DCT: variants seen among roughly 807,000 people sequenced by gnomAD.
The protein encoded by DCT is dopachrome tautomerase.
DCT carries 47 observed loss-of-function variants against 53.0 expected under a neutral mutation model. The observed-to-expected ratio is 0.89, with a 90% CI of 0.70 to 1.13. The LOEUF is 1.13. Ranked by LOEUF, DCT falls within the 50% of genes most tolerant of loss-of-function variation. The probability of loss-of-function intolerance (pLI) is 0.00; values close to 1 mark genes in which losing one functional copy is unlikely to be tolerated. For missense variants in DCT, 669 were observed against 637.4 expected (o/e 1.05, Z -0.53); for synonymous variants, 244 against 237.0 (o/e 1.03, Z -0.27).
At position 94,438,867 on chromosome 13, in the gene DCT, A is replaced by G; in HGVS notation, c.*1031T>C. On this transcript the variant is annotated 3_prime_UTR_variant, in exon 8 of 8. Coordinates refer to ENST00000377028, the MANE Select transcript of DCT (RefSeq NM_001922.5). The stretch of plus-strand genomic sequence containing the variant: ...GTAACTGTGAGTATTCGGCAACATT[A>G]ATCAATCTAACATCAATGCTTAAAA... 1 of 306,530 alleles carries G rather than the reference A, an allele frequency of 3.3e-6. No individual in the cohort carries two copies. Among genetic ancestry groups the G allele is most frequent in the South Asian group, 2.8e-5 (1 of 36,276 alleles). 19.0% of individuals were successfully genotyped at this position (306,530 alleles called of 1,614,324 possible). A position where few individuals can be genotyped will look rare whatever the true frequency, so the allele number is the denominator to read the frequency against.
chr13:94,487,846 T>A, the DCT span, among the ~76,000 whole-genome samples: 24 of 152,244 alleles, frequency 1.6e-4, no homozygotes, highest in African/African-American at 5.5e-4. Context: ...TCTGTCCTGA[T>A]AAGAGTTTTG....
rs1885300791 is a variant in DCT, at chr13:94,479,098, CCA to C, written c.156_157del (p.Cys52TrpfsTer30). On this transcript the variant is annotated frameshift_variant, in exon 1 of 8. Transcript: ENST00000377028. LOFTEE classifies it high-confidence loss of function. Reference sequence around the variant, plus strand: ...GCACTGCCCCCGGCCTTGCTGAGAGCCACAGACATTGGCCGACTCTGCACCCA... The same window carrying C: ...GCACTGCCCCCGGCCTTGCTGAGAGCCAGACATTGGCCGACTCTGCACCCA... 2 of 1,614,220 alleles carry C rather than the reference CCA, an allele frequency of 1.2e-6. No homozygotes were observed. Among genetic ancestry groups the C allele is most frequent in the Non-Finnish European group, 1.7e-6 (2 of 1,180,040 alleles).
chr13:94,538,216 C>T, the DCT span, among the ~76,000 whole-genome samples: 677 of 152,328 alleles, frequency 4.4e-3, 2 homozygotes, highest in Non-Finnish European at 5.7e-3. Context: ...CTTACTGAGC[C>T]TGCAGGACCT....
chr13:94,548,502 AATAG>A, the DCT span, among the ~76,000 whole-genome samples: 15 of 152,180 alleles, frequency 9.9e-5, no homozygotes, highest in Admixed American at 9.2e-4. Flanking sequence ...CTACGACACA[AATAG>A]ATAGATATTT....
the DCT span, among the ~76,000 whole-genome samples, chr13:94,509,726 T>A: frequency 1.3e-5 from 2 of 152,170 alleles, no homozygotes; most frequent in South Asian, 4.1e-4. Flanking sequence ...GGAATCATAA[T>A]AGCACCCATC....
At chr13:94,529,946 G>A in the DCT span, among the ~76,000 whole-genome samples, 4 of 152,100 alleles carry the variant, frequency 2.6e-5, no homozygotes, top group African/African-American at 9.7e-5. Flanking sequence ...CAATAAAAAC[G>A]ATAAAGGGGA....
the DCT span, among the ~76,000 whole-genome samples, chr13:94,485,624 C>T: frequency 6.6e-6 from 1 of 152,214 alleles, no homozygotes; most frequent in African/African-American, 2.4e-5. Context: ...CCCAAATTCA[C>T]AATCATTCCT....
the DCT span, among the ~76,000 whole-genome samples, chr13:94,527,792 C>T: frequency 2.6e-5 from 4 of 152,180 alleles, no homozygotes; most frequent in Non-Finnish European, 5.9e-5. Flanking sequence ...ATGAGTTTGA[C>T]GAGTTGACAG....
chr13:94,470,826 T>C (rs766520043), intron 1 of DCT, among the ~76,000 whole-genome samples: 8 of 152,238 alleles, frequency 5.3e-5, no homozygotes, highest in Non-Finnish European at 8.8e-5. Context: ...ACATCCCCTT[T>C]CTTCACATTT....
intron 6 of DCT, among the ~76,000 whole-genome samples, chr13:94,449,923 T>C (rs1371770751): frequency 6.6e-6 from 1 of 152,136 alleles, no homozygotes; most frequent in Non-Finnish European, 1.5e-5. Context: ...AATATTTCAG[T>C]GACTGATGAG....
At chr13:94,445,793 G>A (rs1226099376) in intron 6 of DCT, 1 of 1,506,940 alleles carries the variant, frequency 6.6e-7, no homozygotes, top group South Asian at 1.2e-5. Flanking sequence ...TAGAAATTTT[G>A]TTTGTAGTTC....
chr13:94,478,559 G>A (rs556396997), intron 1 of DCT, among the ~76,000 whole-genome samples: 6 of 152,286 alleles, frequency 3.9e-5, no homozygotes, highest in Admixed American at 1.3e-4. Flanking sequence ...CCTGTCTTCC[G>A]AATGCCAAGC....
chr13:94,447,669 C>T (rs1428080718), intron 6 of DCT, among the ~76,000 whole-genome samples: 5 of 152,140 alleles, frequency 3.3e-5, no homozygotes, highest in Middle Eastern at 3.2e-3. Flanking sequence ...AGTCCTAAAC[C>T]AATCATGAAC....
the DCT span, among the ~76,000 whole-genome samples, chr13:94,542,374 C>T: frequency 1.3e-5 from 2 of 151,974 alleles, no homozygotes; most frequent in African/African-American, 4.8e-5. Flanking sequence ...TTTTTTTAGT[C>T]GAGTCAAGGT....
At chr13:94,510,441 C>A in the DCT span, among the ~76,000 whole-genome samples, 17 of 152,242 alleles carry the variant, frequency 1.1e-4, no homozygotes, top group African/African-American at 3.9e-4. Flanking sequence ...GGTGTGCTGT[C>A]AGTGTAAAAT....
At chr13:94,451,258 C>T (rs1883068340) in intron 6 of DCT, among the ~76,000 whole-genome samples, 2 of 152,178 alleles carry the variant, frequency 1.3e-5, no homozygotes, top group African/African-American at 2.4e-5. Context: ...TACATGCTCA[C>T]AATGAAAGCA....
At chr13:94,447,141 G>A (rs1882785265) in intron 6 of DCT, among the ~76,000 whole-genome samples, 1 of 152,158 alleles carries the variant, frequency 6.6e-6, no homozygotes, top group African/African-American at 2.4e-5. Context: ...TTTGAACCCA[G>A]GAAGTCTGGT....
upstream of DCT, among the ~76,000 whole-genome samples, chr13:94,484,439 A>G (rs1189372811): frequency 6.6e-6 from 1 of 152,228 alleles, no homozygotes; most frequent in Non-Finnish European, 1.5e-5. Flanking sequence ...TGCCTCTCAT[A>G]TCCCCATCTG....
the DCT span, among the ~76,000 whole-genome samples, chr13:94,528,358 T>C: frequency 2.0e-5 from 3 of 151,724 alleles, no homozygotes; most frequent in Non-Finnish European, 2.9e-5. Flanking sequence ...AAGGTTGAAA[T>C]GAAGGAAAAA....
Sources: gnomAD v4.1 joint callset for allele counts (sites outside exome capture counted in the v4.1 genomes callset) on GRCh38, gnomAD v4.1.1 for gene constraint, MANE v1.5 for transcripts, NCBI Gene and HGNC (gene_info 2026-07-23, HGNC 2026-07-21) for gene names.